Variants in SLC24A4 observed in about 807,000 individuals in gnomAD.
SLC24A4 encodes sodium/potassium/calcium exchanger 4.
In SLC24A4, 53 loss-of-function variants were observed where a neutral mutation model predicts 79.0. The observed-to-expected ratio is 0.67, with a 90% CI of 0.54 to 0.84. The LOEUF is 0.84. Ranked by LOEUF, SLC24A4 falls within the 40% of genes least tolerant of loss-of-function variation. The probability of loss-of-function intolerance (pLI) is 0.00; values close to 1 mark genes in which losing one functional copy is unlikely to be tolerated. For missense variants in SLC24A4, 731 were observed against 822.0 expected (o/e 0.89, Z 1.35); for synonymous variants, 323 against 323.8 (o/e 1.00, Z 0.03).
At chr14:92,453,088 C>T (rs1462505548) in intron 10 of SLC24A4, 1 of 152,190 alleles carries the variant, frequency 6.6e-6, no homozygotes, top group Non-Finnish European at 1.5e-5. Flanking sequence ...GTGAAATTCC[C>T]AAGGATACCG....
intron 2 of SLC24A4, among the ~76,000 whole-genome samples, chr14:92,376,129 C>T (rs1021093842): frequency 2.0e-5 from 3 of 151,988 alleles, no homozygotes; most frequent in South Asian, 2.1e-4. Context: ...CGTGTTCCAA[C>T]GGCCATATGG....
Position 92,406,360 on chromosome 14 carries a change from G to T in SLC24A4, c.242-27552G>T, listed in dbSNP as rs1228099035. 2.0e-5 allele frequency among the ~76,000 whole-genome samples: 3 copies of T among 152,188 alleles called. 1 individual carries two copies. Among genetic ancestry groups the T allele is most frequent in the Non-Finnish European group, 4.4e-5 (3 of 68,028 alleles). On this transcript the variant is annotated intron_variant, in intron 2 of 16. Coordinates refer to ENST00000532405, the MANE Select transcript of SLC24A4 (RefSeq NM_153646.4). ...CTCTCTGTGAATCTGCCATTCTGGGGTCTGGAGGATGGTGACCCTCTTCTC... is the reference window on the plus strand; with the variant it reads ...CTCTCTGTGAATCTGCCATTCTGGGTTCTGGAGGATGGTGACCCTCTTCTC...
chr14:92,404,848 C>T (rs564292536), intron 2 of SLC24A4, among the ~76,000 whole-genome samples: 1 of 152,328 alleles, frequency 6.6e-6, no homozygotes, highest in Admixed American at 6.5e-5. Context: ...GCAGGGATCA[C>T]ATCTCTCTTG....
At chr14:92,334,237 C>T (rs921956357) in intron 2 of SLC24A4, among the ~76,000 whole-genome samples, 2 of 152,228 alleles carry the variant, frequency 1.3e-5, no homozygotes, top group African/African-American at 4.8e-5. Context: ...CTTTCCCAGA[C>T]AGCAGGGGCA....
At chr14:92,384,095 C>T (rs545466422) in intron 2 of SLC24A4, among the ~76,000 whole-genome samples, 15 of 152,310 alleles carry the variant, frequency 9.8e-5, no homozygotes, top group African/African-American at 3.6e-4. Flanking sequence ...GTGAATATTT[C>T]TGTCTGCCTT....
At chr14:92,424,808 GGA>G (rs1891480071) in intron 2 of SLC24A4, among the ~76,000 whole-genome samples, 2 of 152,094 alleles carry the variant, frequency 1.3e-5, no homozygotes, top group African/African-American at 4.8e-5. Flanking sequence ...TTTGAGCCTA[GGA>G]GGTCAAGGCT....
chr14:92,390,786 G>C (rs896849871), intron 2 of SLC24A4, among the ~76,000 whole-genome samples: 2 of 152,212 alleles, frequency 1.3e-5, no homozygotes, highest in African/African-American at 4.8e-5. Context: ...TAGGAATCTT[G>C]AGTTGAATGT....
chr14:92,361,318 A>G (rs1289947059), intron 2 of SLC24A4, among the ~76,000 whole-genome samples: 3 of 147,122 alleles, frequency 2.0e-5, no homozygotes, highest in African/African-American at 7.6e-5. Flanking sequence ...GGACTCAGGT[A>G]TTCTCCTTGG....
In SLC24A4 at chr14:92,398,892, G is replaced by A. The variant is rs1162897375; in HGVS notation, c.242-35020G>A. On this transcript the variant is annotated intron_variant, in intron 2 of 16. Transcript: ENST00000532405. This position sits in a 1 kb window ranked among gnomAD's most constrained non-coding sequence, Gnocchi z 4.1. ...CAACTCAATGCCTGCTTCTTTCCCA[G>A]GATTGGATCTTCAAGGACAAGGACC... Among the ~76,000 whole-genome samples, 1 of 152,190 alleles carries A rather than the reference G, an allele frequency of 6.6e-6. No individual in the cohort carries two copies. Among genetic ancestry groups the A allele is most frequent in the African/African-American group, 2.4e-5 (1 of 41,462 alleles).
At chr14:92,393,874 G>A (rs1391597739) in intron 2 of SLC24A4, among the ~76,000 whole-genome samples, 2 of 151,988 alleles carry the variant, frequency 1.3e-5, no homozygotes, top group Non-Finnish European at 2.9e-5. Flanking sequence ...AGCCAGGTAT[G>A]GTGGCAGGCA....
intron 2 of SLC24A4, among the ~76,000 whole-genome samples, chr14:92,388,639 C>T (rs1230552284): frequency 2.0e-5 from 3 of 152,226 alleles, no homozygotes; most frequent in Non-Finnish European, 4.4e-5. Flanking sequence ...GCCGTGCCTC[C>T]TGTTCCCCTC....
At position 92,441,994 on chromosome 14, in the gene SLC24A4, A is replaced by C; in HGVS notation, c.394-95A>C. 1 of 964,572 alleles carries C rather than the reference A, an allele frequency of 1.0e-6. No homozygotes were observed. Among genetic ancestry groups the C allele is most frequent in the Non-Finnish European group, 1.6e-6 (1 of 615,696 alleles). The allele number at this position is 964,572 out of a possible 1,614,324, so 59.8% of individuals were successfully genotyped here. A position where few individuals can be genotyped will look rare whatever the true frequency, so the allele number is the denominator to read the frequency against. ...AGACGAGTTTGCCTCTGGCTGCAGC[A>C]CTGCTCTCCTGCATGCTCCTTGGCT... On this transcript the variant is annotated intron_variant, in intron 4 of 16. Transcript: ENST00000532405. The surrounding 1 kb of genome is among the most constrained non-coding windows in gnomAD (Gnocchi z 4.6).
chr14:92,340,681 G>A (rs1056993368), intron 2 of SLC24A4, among the ~76,000 whole-genome samples: 8 of 152,080 alleles, frequency 5.3e-5, no homozygotes, highest in Admixed American at 3.9e-4. Flanking sequence ...TCACCTCTGG[G>A]CATCTGGAGC....
intron 2 of SLC24A4, among the ~76,000 whole-genome samples, chr14:92,336,464 G>T (rs1332235422): frequency 1.3e-5 from 2 of 152,212 alleles, no homozygotes; most frequent in African/African-American, 2.4e-5. Flanking sequence ...GGGGTCTTCC[G>T]GTTGGAGGTG....
At chr14:92,414,447 C>G (rs1470788529) in intron 2 of SLC24A4, among the ~76,000 whole-genome samples, 1 of 152,094 alleles carries the variant, frequency 6.6e-6, no homozygotes, top group African/African-American at 2.4e-5. Flanking sequence ...AAAGAAATCC[C>G]TAGAAAAAAC....
intron 2 of SLC24A4, among the ~76,000 whole-genome samples, chr14:92,352,651 G>A (rs1043232205): frequency 1.3e-5 from 2 of 152,214 alleles, no homozygotes; most frequent in African/African-American, 4.8e-5. Context: ...TACATCGGAA[G>A]CCAGAGGTGG....
Position 92,499,965 on chromosome 14 carries a change from G to C in SLC24A4, c.*6337G>C, listed in dbSNP as rs373708543. 6.6e-6 allele frequency: 1 copy of C among 151,114 alleles called. No homozygotes were observed. The highest frequency in any genetic ancestry group is 1.5e-5 in the Non-Finnish European group (1 of 67,984). The allele number at this position is 151,114 out of a possible 1,614,324, so 9.4% of individuals were successfully genotyped here. On this transcript the variant is annotated 3_prime_UTR_variant, in exon 17 of 17. Coordinates refer to ENST00000532405, the MANE Select transcript of SLC24A4 (RefSeq NM_153646.4). ...TGCCATTCTCCTGCCTCAGCCTCCC[G>C]AGTAGCTGGGACTACAGGCGCCTGC... is the stretch of plus-strand genomic sequence containing the variant.
At chr14:92,492,615 A>G (rs548669249) in intron 16 of SLC24A4, among the ~76,000 whole-genome samples, 67 of 152,160 alleles carry the variant, frequency 4.4e-4, no homozygotes, top group Admixed American at 4.1e-3. Flanking sequence ...TCCCTACCCT[A>G]CATGTCCAGG....
chr14:92,390,652 C>G (rs1473426991), intron 2 of SLC24A4, among the ~76,000 whole-genome samples: 1 of 152,220 alleles, frequency 6.6e-6, no homozygotes, highest in Non-Finnish European at 1.5e-5. Context: ...TCCACCAACC[C>G]TGTAAGCCTT....
Sources: allele counts gnomAD v4.1 joint callset (sites outside exome capture counted in the v4.1 genomes callset), GRCh38; gene constraint gnomAD v4.1.1; non-coding constraint Gnocchi (gnomAD v3.1); transcripts MANE v1.5; gene names NCBI Gene and HGNC (gene_info 2026-07-23, HGNC 2026-07-21).